ACOT9: variants seen among roughly 807,000 people sequenced by gnomAD.
The protein encoded by ACOT9 is acyl-CoA thioesterase 9.
ACOT9 carries 34 observed loss-of-function variants against 39.7 expected under a neutral mutation model. That is an observed-to-expected ratio of 0.86 (90% CI 0.65 to 1.14). The LOEUF (loss-of-function observed/expected upper bound fraction) is 1.14. ACOT9 is among the 50% of genes most tolerant of loss of function. ACOT9 has a pLI of 0.00. For missense variants in ACOT9, 313 were observed against 344.1 expected, an observed-to-expected ratio of 0.91 and a Z score of 0.71; for synonymous variants, 110 against 120.5, an observed-to-expected ratio of 0.91 and a Z score of 0.57.
intron 7 of ACOT9, 106 bp downstream of exon 7, chrX:23,722,564 C>CAAAAA: frequency 2.7e-5 from 13 of 473,230 alleles, no homozygotes; most frequent in East Asian, 1.4e-4. Context: ...AACTCCGTCT[C>CAAAAA]AAAAAAAAAA....
intron 6 of ACOT9, among the ~76,000 whole-genome samples, chrX:23,730,313 A>G (rs1929688687): frequency 9.3e-6 from 1 of 107,380 alleles, no homozygotes; most frequent in South Asian, 4.1e-4. Flanking sequence ...GGCTGGTCTC[A>G]AACTCCCAAC....
intron 9 of ACOT9, 109 bp from the exon 10 acceptor site, chrX:23,708,053 T>A: frequency 1.5e-6 from 1 of 660,881 alleles, no homozygotes; most frequent in South Asian, 3.2e-5. Context: ...TCATTTTGGG[T>A]AGTGCTTACT....
In ACOT9 at chrX:23,714,154, G is replaced by A. The variant is rs374676401; in HGVS notation, c.589-946C>T. 3.6e-4 allele frequency among the ~76,000 whole-genome samples: 40 copies of A among 111,496 alleles called. No homozygotes were observed. In the South Asian group the frequency reaches 5.2e-3, roughly 15 times the overall value. ...AAGGGTCACAGAGAGTATCATCAGC[G>A]TTTAATTTGCCTGCTTTCCTCAGAA... On this transcript the variant is annotated intron_variant, in intron 8 of 15. Transcript: ENST00000379303.
In ACOT9 at chrX:23,722,049, C is replaced by T. The variant is rs1363231482; in HGVS notation, c.485-65G>A. 4.0e-6 allele frequency: 3 copies of T among 751,486 alleles called. No individual in the cohort carries two copies. In the African/African-American group the frequency reaches 6.5e-5, roughly 16 times the overall value. 61.9% of individuals were successfully genotyped at this position (751,486 alleles called of 1,213,427 possible). A position where few individuals can be genotyped will look rare whatever the true frequency, so the allele number is the denominator to read the frequency against. Reference sequence around the variant, plus strand: ...AAATTTTCTGTTCTGTAAATATGAACAATTAGAAATTATGGCAAATTCCAC... The same window carrying T: ...AAATTTTCTGTTCTGTAAATATGAATAATTAGAAATTATGGCAAATTCCAC... On this transcript the variant is annotated intron_variant, in intron 7 of 15. Coordinates refer to ENST00000379303, the MANE Select transcript of ACOT9 (RefSeq NM_001037171.2).
At chrX:23,716,438 G>C (rs1240531130) in intron 8 of ACOT9, among the ~76,000 whole-genome samples, 2 of 111,762 alleles carry the variant, frequency 1.8e-5, no homozygotes, top group Non-Finnish European at 3.8e-5. Context: ...AGTGCTCAAA[G>C]TCAGATTTTG....
In ACOT9 at chrX:23,730,706, A is replaced by G; in HGVS notation, c.362+110T>C. ...ACAACTCTCTAAATATATCAAAACC[A>G]TGGAACTGTACACTTTAAACAGGCG... On this transcript the variant is annotated intron_variant, in intron 5 of 15. Transcript: ENST00000379303. The G allele has an allele frequency of 3.1e-6, 3 of 969,266 alleles. No homozygotes were observed. In the South Asian group the frequency reaches 6.8e-5, roughly 22 times the overall value. The allele number at this position is 969,266 out of a possible 1,213,427, so 79.9% of individuals were successfully genotyped here.
intron 8 of ACOT9, among the ~76,000 whole-genome samples, chrX:23,721,001 G>A (rs1356414313): frequency 9.0e-6 from 1 of 111,709 alleles, no homozygotes; most frequent in Non-Finnish European, 1.9e-5. Context: ...ATTTGGGGAG[G>A]CTAAGGTGGG....
intron 1 of ACOT9, among the ~76,000 whole-genome samples, chrX:23,737,303 ACT>A (rs762300372): frequency 2.7e-5 from 3 of 110,908 alleles, no homozygotes; most frequent in Non-Finnish European, 5.7e-5. Context: ...ACAGAGCAAG[ACT>A]CTGTCTCAAA....
intron 13 of ACOT9, 132 bp downstream of exon 13, chrX:23,705,377 G>T: frequency 3.7e-6 from 2 of 539,051 alleles, no homozygotes; most frequent in Non-Finnish European, 6.3e-6. Context: ...AAATTCAGCT[G>T]GTATCAGTGT....
At chrX:23,731,998 C>A (rs1241696692) in intron 4 of ACOT9, among the ~76,000 whole-genome samples, 3 of 111,591 alleles carry the variant, frequency 2.7e-5, no homozygotes, top group Non-Finnish European at 5.6e-5. Flanking sequence ...ACAAAAACTA[C>A]AGGAGATAGA....
chrX:23,734,625 G>C (rs1371113162), intron 2 of ACOT9, among the ~76,000 whole-genome samples: 1 of 111,642 alleles, frequency 9.0e-6, no homozygotes, highest in African/African-American at 3.3e-5. Flanking sequence ...AACAATTTTG[G>C]ATACACCATA....
intron 1 of ACOT9, among the ~76,000 whole-genome samples, chrX:23,742,242 G>T (rs1386898306): frequency 3.8e-5 from 2 of 52,923 alleles, no homozygotes; most frequent in African/African-American, 2.4e-4. Context: ...GAGAGGGAGA[G>T]AGAGAGAGAG....
intron 1 of ACOT9, among the ~76,000 whole-genome samples, chrX:23,742,242 G>C (rs1386898306): frequency 1.9e-5 from 1 of 52,923 alleles, no homozygotes; most frequent in Non-Finnish European, 3.1e-5. Flanking sequence ...GAGAGGGAGA[G>C]AGAGAGAGAG....
chrX:23,730,398 C>T (rs1929692898), intron 6 of ACOT9, 129 bp downstream of exon 6: 1 of 553,984 alleles, frequency 1.8e-6, no homozygotes, highest in African/African-American at 2.3e-5. Context: ...CGGCCGATGT[C>T]CTTCTTTTTT....
chrX:23,724,471 C>CA (rs1358808153), intron 6 of ACOT9, among the ~76,000 whole-genome samples: 3 of 108,943 alleles, frequency 2.8e-5, no homozygotes, highest in African/African-American at 1.0e-4. Context: ...CCTGTCTCTA[C>CA]AAAAAACTTT....
At position 23,701,240 on chromosome X, in the gene ACOT9, C is replaced by G. The variant is rs1249285960; in HGVS notation, c.*2654G>C. Among the ~76,000 whole-genome samples the G allele has an allele frequency of 1.8e-5, 2 of 111,440 alleles. No homozygotes were observed. Among genetic ancestry groups the G allele is most frequent in the African/African-American group, 6.5e-5 (2 of 30,694 alleles). On this transcript the variant is annotated 3_prime_UTR_variant, in exon 16 of 16. Coordinates refer to ENST00000379303, the MANE Select transcript of ACOT9 (RefSeq NM_001037171.2). ...AAACTCCCCAGGGCGCATCCCTCCC[C>G]ATTAGCCACCTCCCATCATGTCATA...
chrX:23,721,570 A>C (rs997342762), intron 8 of ACOT9, among the ~76,000 whole-genome samples: 9 of 112,239 alleles, frequency 8.0e-5, no homozygotes, highest in African/African-American at 2.6e-4. Flanking sequence ...ACAGTAATCA[A>C]TTCCATTCAC....
intron 6 of ACOT9, among the ~76,000 whole-genome samples, chrX:23,730,091 C>CTT (rs1569196823): frequency 1.9e-5 from 1 of 52,693 alleles, no homozygotes; most frequent in African/African-American, 1.1e-4. Flanking sequence ...TAGTAGATGC[C>CTT]ATTTTTTTTT....
At chrX:23,726,823 C>T (rs1255271770) in intron 6 of ACOT9, among the ~76,000 whole-genome samples, 1 of 111,097 alleles carries the variant, frequency 9.0e-6, no homozygotes, top group African/African-American at 3.3e-5. Flanking sequence ...CATGCCACTA[C>T]ACCCGGCTAA....
Sources: gnomAD v4.1 joint callset for allele counts (sites outside exome capture counted in the v4.1 genomes callset) on GRCh38, gnomAD v4.1.1 for gene constraint, MANE v1.5 for transcripts, NCBI Gene and HGNC (gene_info 2026-07-23, HGNC 2026-07-21) for gene names.